The following FHIT variants were observed in gnomAD, a reference collection of about 807,000 sequenced individuals.
FHIT encodes fragile histidine triad diadenosine triphosphatase, also known as bis(5'-adenosyl)-triphosphatase.
In FHIT, 19 loss-of-function variants were observed where a neutral mutation model predicts 17.9. That is an observed-to-expected ratio of 1.06 (90% CI 0.74 to 1.56). FHIT has a LOEUF of 1.56. Among genes scored for constraint, FHIT ranks in the 40% most tolerant of loss-of-function variants. The pLI is 0.00. For missense variants in FHIT, 248 were observed against 189.2 expected, an observed-to-expected ratio of 1.31 and a Z score of -1.82; for synonymous variants, 81 against 69.7, an observed-to-expected ratio of 1.16 and a Z score of -0.81.
intron 4 of FHIT, among the ~76,000 whole-genome samples, chr3:60,774,295 A>C (rs1700144011): frequency 6.6e-6 from 1 of 152,070 alleles, no homozygotes; most frequent in Admixed American, 6.6e-5. Context: ...TTTATGATAA[A>C]ATTTAATTAA....
intron 5 of FHIT, among the ~76,000 whole-genome samples, chr3:60,045,762 G>C (rs1018597252): frequency 6.6e-6 from 1 of 152,134 alleles, no homozygotes; most frequent in Admixed American, 6.5e-5. Context: ...TGAATGTGAG[G>C]ATGAGAAACA....
chr3:60,897,970 A>G (rs1705916551), intron 3 of FHIT, among the ~76,000 whole-genome samples: 2 of 152,296 alleles, frequency 1.3e-5, no homozygotes, highest in East Asian at 3.9e-4. Flanking sequence ...TTTTATTATC[A>G]AATAATCCAT....
intron 5 of FHIT, among the ~76,000 whole-genome samples, chr3:60,348,264 G>A (rs1003677160): frequency 1.3e-5 from 2 of 152,100 alleles, no homozygotes; most frequent in Non-Finnish European, 2.9e-5. Flanking sequence ...TTTTAGATTA[G>A]GTTGTTAATT....
intron 5 of FHIT, among the ~76,000 whole-genome samples, chr3:60,363,768 C>G (rs6763743): frequency 0.087 from 13,247 of 152,184 alleles, 1,891 homozygotes; most frequent in African/African-American, 0.3. Flanking sequence ...CCCTGGCCCC[C>G]CTGGCTTCAG....
At chr3:60,026,977 T>A (rs552979462) in intron 5 of FHIT, among the ~76,000 whole-genome samples, 55 of 152,114 alleles carry the variant, frequency 3.6e-4, no homozygotes, top group Admixed American at 1.2e-3. Context: ...CACACACCTG[T>A]AATCCCAGCT....
At chr3:60,233,231 T>A (rs988456448) in intron 5 of FHIT, among the ~76,000 whole-genome samples, 1 of 152,180 alleles carries the variant, frequency 6.6e-6, no homozygotes, top group African/African-American at 2.4e-5. Flanking sequence ...TCTTAAGAAC[T>A]TGTATGGCTC....
chr3:60,297,004 T>G (rs912589145), intron 5 of FHIT, among the ~76,000 whole-genome samples: 2 of 151,956 alleles, frequency 1.3e-5, no homozygotes, highest in African/African-American at 4.8e-5. Flanking sequence ...TATCTATGTG[T>G]CTATACTTCT....
intron 8 of FHIT, among the ~76,000 whole-genome samples, chr3:59,819,533 C>A (rs552325125): frequency 1.3e-4 from 20 of 152,180 alleles, no homozygotes; most frequent in Non-Finnish European, 2.2e-4. Flanking sequence ...AAGAATATAA[C>A]CTCTTTGACC....
At chr3:59,816,541 G>A (rs1700605789) in intron 8 of FHIT, among the ~76,000 whole-genome samples, 1 of 152,144 alleles carries the variant, frequency 6.6e-6, no homozygotes, top group Non-Finnish European at 1.5e-5. Flanking sequence ...GTGGGAATGA[G>A]AGCCATCTGG....
chr3:60,705,410 C>A (rs1553703253), intron 4 of FHIT, among the ~76,000 whole-genome samples: 1 of 151,906 alleles, frequency 6.6e-6, no homozygotes, highest in African/African-American at 2.4e-5. Flanking sequence ...GCTTGTCACC[C>A]CAAGTTGCAA....
chr3:60,094,090 T>C (rs1224480567), intron 5 of FHIT, among the ~76,000 whole-genome samples: 4 of 152,008 alleles, frequency 2.6e-5, no homozygotes, highest in South Asian at 2.1e-4. Flanking sequence ...AAAAAAAATA[T>C]TGAAGATTAA....
chr3:60,582,923 A>C (rs550282845), intron 4 of FHIT, among the ~76,000 whole-genome samples: 1 of 152,146 alleles, frequency 6.6e-6, no homozygotes, highest in African/African-American at 2.4e-5. Flanking sequence ...CCAATACCAC[A>C]TATCAAAAAA....
At chr3:60,042,687 C>T (rs778176708) in intron 5 of FHIT, among the ~76,000 whole-genome samples, 5 of 152,122 alleles carry the variant, frequency 3.3e-5, no homozygotes, top group Non-Finnish European at 7.4e-5. Context: ...TCTCCAGATA[C>T]ACTCACATTC....
At chr3:61,148,046 T>C (rs941071747) in intron 2 of FHIT, among the ~76,000 whole-genome samples, 4 of 151,264 alleles carry the variant, frequency 2.6e-5, no homozygotes, top group Non-Finnish European at 5.9e-5. Context: ...GGGAGAAAAG[T>C]TTAAAAAAAA....
At chr3:59,824,923 C>A (rs1700922909) in intron 8 of FHIT, among the ~76,000 whole-genome samples, 1 of 152,186 alleles carries the variant, frequency 6.6e-6, no homozygotes, top group Non-Finnish European at 1.5e-5. Context: ...TCTTTCTAAG[C>A]CTTTGCACAC....
At chr3:60,013,539 A>G (rs1346443058) in intron 6 of FHIT, among the ~76,000 whole-genome samples, 1 of 152,172 alleles carries the variant, frequency 6.6e-6, no homozygotes, top group Non-Finnish European at 1.5e-5. Flanking sequence ...GCCACACCCA[A>G]CCAGTGAATC....
intron 5 of FHIT, among the ~76,000 whole-genome samples, chr3:60,042,095 G>A (rs773330274): frequency 2.2e-4 from 33 of 152,090 alleles, no homozygotes; most frequent in Admixed American, 1.4e-3. Context: ...TGTTACCAAA[G>A]GTGTACAAAA....
At chr3:61,046,053 G>C in intron 2 of FHIT, among the ~76,000 whole-genome samples, 1 of 152,058 alleles carries the variant, frequency 6.6e-6, no homozygotes, top group East Asian at 1.9e-4. Flanking sequence ...ACCTAAAGTT[G>C]ACACCCTAAC....
chr3:60,015,710 G>A (rs1700317611), intron 5 of FHIT, among the ~76,000 whole-genome samples: 3 of 152,100 alleles, frequency 2.0e-5, no homozygotes. Flanking sequence ...TGCTATGTTA[G>A]GCTATGTTCA....
Sources: gnomAD v4.1 joint callset for allele counts (sites outside exome capture counted in the v4.1 genomes callset) on GRCh38, gnomAD v4.1.1 for gene constraint, MANE v1.5 for transcripts, NCBI Gene and HGNC (gene_info 2026-07-23, HGNC 2026-07-21) for gene names.